The following LUZP2 variants were observed in gnomAD, a reference collection of about 807,000 sequenced individuals.
The protein encoded by LUZP2 is leucine zipper protein 2.
A neutral mutation model predicts 51.6 loss-of-function variants in LUZP2; 52 were observed. That is an observed-to-expected ratio of 1.01 (90% CI 0.81 to 1.27). The LOEUF is 1.27. LUZP2 is among the 50% of genes most tolerant of loss of function. The pLI, the probability that LUZP2 is intolerant of heterozygous loss-of-function variation, is 0.00. For synonymous variants in LUZP2, 154 were observed against 137.3 expected (o/e 1.12, Z -0.85); for missense variants, 436 against 395.4 (o/e 1.10, Z -0.87).
chr11:25,069,133 G>A (rs1402244365), intron 10 of LUZP2, among the ~76,000 whole-genome samples: 1 of 151,874 alleles, frequency 6.6e-6, no homozygotes, highest in Non-Finnish European at 1.5e-5. Context: ...CACAAACTGT[G>A]TTGTTACCTG....
chr11:24,951,297 A>G (rs1030354407), intron 7 of LUZP2, among the ~76,000 whole-genome samples: 2 of 151,530 alleles, frequency 1.3e-5, no homozygotes, highest in African/African-American at 4.8e-5. Flanking sequence ...ATTATTTATT[A>G]CTGCAGATAA....
chr11:24,510,670 C>G (rs78670598), intron 1 of LUZP2, among the ~76,000 whole-genome samples: 4,722 of 152,044 alleles, frequency 0.031, 212 homozygotes, highest in African/African-American at 0.099. Flanking sequence ...ATACGTATAC[C>G]ACATTTATAT....
At chr11:24,900,324 G>A (rs74643233) in intron 5 of LUZP2, among the ~76,000 whole-genome samples, 6,858 of 152,156 alleles carry the variant, frequency 0.045, 493 homozygotes, top group African/African-American at 0.15. Context: ...TATCTTAGTG[G>A]TTAAGTCTTT....
At chr11:25,014,871 T>G (rs1043404138) in intron 9 of LUZP2, among the ~76,000 whole-genome samples, 2 of 121,646 alleles carry the variant, frequency 1.6e-5, no homozygotes, top group Non-Finnish European at 3.9e-5. Flanking sequence ...TTCTAGGGTT[T>G]TTATGGTTTT....
At chr11:24,808,956 A>T (rs1343395543) in intron 5 of LUZP2, among the ~76,000 whole-genome samples, 1 of 152,212 alleles carries the variant, frequency 6.6e-6, no homozygotes, top group Non-Finnish European at 1.5e-5. Flanking sequence ...AGAGTTAAAC[A>T]TTTAAATAAC....
At chr11:24,664,132 C>A (rs1046172388) in intron 1 of LUZP2, among the ~76,000 whole-genome samples, 1 of 151,890 alleles carries the variant, frequency 6.6e-6, no homozygotes, top group Admixed American at 6.6e-5. Context: ...GAACTCAGAA[C>A]ACAGGAAAAT....
rs7939512 is a variant in LUZP2 at position 25,077,267 on chromosome 11, A to T, written c.859-62A>T. 2.4e-3 allele frequency: 2,938 copies of T among 1,208,172 alleles called. 55 individuals carry two copies. In the African/African-American group the frequency reaches 0.038, roughly 15 times the overall value. 74.8% of individuals were successfully genotyped at this position (1,208,172 alleles called of 1,614,324 possible). On this transcript the variant is annotated intron_variant, in intron 10 of 11. Transcript: ENST00000336930. ...GGAAGAATTCAAGAGAGTGTTTTTGACTCCCCCCTCCACTTTCTTTCTTTA... is the reference window on the plus strand; with the variant it reads ...GGAAGAATTCAAGAGAGTGTTTTTGTCTCCCCCCTCCACTTTCTTTCTTTA...
chr11:24,563,094 G>A (rs915475480), intron 1 of LUZP2, among the ~76,000 whole-genome samples: 9 of 152,160 alleles, frequency 5.9e-5, no homozygotes, highest in Non-Finnish European at 8.8e-5. Context: ...GAAATGTGAT[G>A]AAACTACATA....
chr11:24,938,422 TC>T (rs937719923), intron 7 of LUZP2, among the ~76,000 whole-genome samples: 1 of 152,188 alleles, frequency 6.6e-6, no homozygotes, highest in Non-Finnish European at 1.5e-5. Flanking sequence ...AGTCAGAAAT[TC>T]TTTAATCTTA....
intron 7 of LUZP2, among the ~76,000 whole-genome samples, chr11:24,969,308 T>C (rs1590788000): frequency 6.6e-6 from 1 of 152,238 alleles, no homozygotes; most frequent in East Asian, 1.9e-4. Context: ...AATAGCCTAA[T>C]CCTTCTTTAA....
chr11:24,713,683 G>GTCTTTTTTTTTTTTT (rs1554978134), intron 1 of LUZP2, among the ~76,000 whole-genome samples: 6 of 89,700 alleles, frequency 6.7e-5, no homozygotes, highest in African/African-American at 2.7e-4. Flanking sequence ...GTGAGAATCT[G>GTCTTTTTTTTTTTTT]TTTTTTTTTT....
intron 6 of LUZP2, among the ~76,000 whole-genome samples, chr11:24,907,091 G>A (rs933595577): frequency 6.6e-6 from 1 of 152,102 alleles, no homozygotes; most frequent in Non-Finnish European, 1.5e-5. Flanking sequence ...TGAAGCACAA[G>A]CGTTGCTTCT....
At position 24,510,352 on chromosome 11, in the gene LUZP2, T is replaced by C. The variant is rs77967507; in HGVS notation, c.62+13047T>C. Among the ~76,000 whole-genome samples, 1,441 of 152,368 alleles carry C rather than the reference T, an allele frequency of 9.5e-3. 64 individuals are homozygous for C. The East Asian group carries it at 0.15, about 16-fold the overall frequency. Reference sequence around the variant, plus strand: ...GTGCCTATGCAATGTTTGGCATGTTTTGCCATATTGGCTTTGGTTCTATAT... The same window carrying C: ...GTGCCTATGCAATGTTTGGCATGTTCTGCCATATTGGCTTTGGTTCTATAT... On this transcript the variant is annotated intron_variant, in intron 1 of 11. Coordinates refer to ENST00000336930, the MANE Select transcript of LUZP2 (RefSeq NM_001009909.4).
At chr11:24,952,196 G>T (rs968376723) in intron 7 of LUZP2, among the ~76,000 whole-genome samples, 2 of 151,328 alleles carry the variant, frequency 1.3e-5, no homozygotes, top group African/African-American at 4.8e-5. Flanking sequence ...TGTTATCATC[G>T]CCATCGTTAT....
chr11:24,550,435 T>C (rs990896252), intron 1 of LUZP2, among the ~76,000 whole-genome samples: 1 of 152,090 alleles, frequency 6.6e-6, no homozygotes, highest in Non-Finnish European at 1.5e-5. Flanking sequence ...TAACAAAATA[T>C]TATATTCTAC....
At chr11:24,620,751 ACT>A (rs1475294645) in intron 1 of LUZP2, among the ~76,000 whole-genome samples, 2 of 152,154 alleles carry the variant, frequency 1.3e-5, no homozygotes, top group African/African-American at 4.8e-5. Context: ...ATATGCACAC[ACT>A]CTCACACACA....
intron 5 of LUZP2, among the ~76,000 whole-genome samples, chr11:24,888,200 G>A (rs1419377886): frequency 1.3e-5 from 2 of 152,026 alleles, no homozygotes; most frequent in African/African-American, 4.8e-5. Context: ...CTGTATTCCT[G>A]TCTTATGACT....
At chr11:24,791,852 G>A (rs1849418214) in intron 5 of LUZP2, among the ~76,000 whole-genome samples, 1 of 151,952 alleles carries the variant, frequency 6.6e-6, no homozygotes, top group Non-Finnish European at 1.5e-5. Context: ...TCTTTCTGTG[G>A]TCCAAATTTC....
intron 5 of LUZP2, among the ~76,000 whole-genome samples, chr11:24,848,889 A>T (rs1001574414): frequency 2.0e-5 from 3 of 152,146 alleles, no homozygotes; most frequent in Admixed American, 2.0e-4. Flanking sequence ...TTAATATAGG[A>T]GCATAGGAGC....
Sources: allele counts gnomAD v4.1 joint callset (sites outside exome capture counted in the v4.1 genomes callset), GRCh38; gene constraint gnomAD v4.1.1; transcripts MANE v1.5; gene names NCBI Gene and HGNC (gene_info 2026-07-23, HGNC 2026-07-21).